Variants in SLC46A1 observed in about 807,000 individuals in gnomAD.
The protein encoded by SLC46A1 is proton-coupled folate transporter.
SLC46A1 carries 17 observed loss-of-function variants against 32.1 expected under a neutral mutation model. That is an observed-to-expected ratio of 0.53 (90% confidence interval 0.36 to 0.79). The LOEUF is 0.79. Ranked by LOEUF, SLC46A1 falls within the 30% of genes least tolerant of loss-of-function variation. SLC46A1 has a pLI of 0.00. For synonymous variants in SLC46A1, 240 were observed against 262.7 expected (o/e 0.91, Z 0.84); for missense variants, 517 against 588.2 (o/e 0.88, Z 1.25).
rs782007129 is a variant in SLC46A1 at position 28,399,689 on chromosome 17, G to A, written c.1347C>T (p.His449=). Residue 449 remains histidine (H), a synonymous_variant, in exon 5 of 5, where the codon CAC becomes CAT. Coordinates refer to ENST00000612814, the MANE Select transcript of SLC46A1 (RefSeq NM_080669.6). Reference sequence around the variant, plus strand: ...TCTGGGGAAACTGCTGGAACTCGAGGTGAGGATCAGCCTTTTCCAGCATCC... The same window carrying A: ...TCTGGGGAAACTGCTGGAACTCGAGATGAGGATCAGCCTTTTCCAGCATCC... ...LIGMLEKADP[H]LEFQQFPQSP is the part of the protein sequence containing the mutation. 1 of 1,614,004 alleles carries A rather than the reference G, an allele frequency of 6.2e-7. No homozygotes were observed. The highest frequency in any genetic ancestry group is 8.5e-7 in the Non-Finnish European group (1 of 1,179,890).
At chr17:28,402,174 C>A in intron 3 of SLC46A1, 64 bp downstream of exon 3, 1 of 1,409,428 alleles carries the variant, frequency 7.1e-7, no homozygotes, top group South Asian at 1.3e-5. Context: ...CATGGCTGCC[C>A]ATCAGCCCGT....
At chr17:28,402,183 G>T in intron 3 of SLC46A1, 55 bp downstream of exon 3, 1 of 1,499,162 alleles carries the variant, frequency 6.7e-7, no homozygotes, top group Non-Finnish European at 9.1e-7. Context: ...CCATCAGCCC[G>T]TTTCGGGCAG....
chr17:28,399,935 C>T (rs2068176127), intron 4 of SLC46A1: 2 of 537,836 alleles, frequency 3.7e-6, no homozygotes, highest in Non-Finnish European at 6.7e-6. Context: ...GCTCTGTTGT[C>T]CAGGCTGGAG....
Position 28,399,360 on chromosome 17 carries a change from T to G in SLC46A1, c.*296A>C. 5.1e-6 allele frequency: 2 copies of G among 395,142 alleles called. No homozygotes were observed. The highest frequency in any genetic ancestry group is 4.7e-6 in the Non-Finnish European group (1 of 212,654). 24.5% of individuals were successfully genotyped at this position (395,142 alleles called of 1,614,324 possible). ...CTCTCAGGACCTCTCCTCTGGCCTG[T>G]GGGGTTATAAGTGATGGATAGCAGA... On this transcript the variant is annotated 3_prime_UTR_variant, in exon 5 of 5. Transcript: ENST00000612814.
chr17:28,406,416 A>G, upstream of SLC46A1: 1 of 361,418 alleles, frequency 2.8e-6, no homozygotes, highest in Non-Finnish European at 4.9e-6. The surrounding 1 kb of genome is among the most constrained non-coding windows in gnomAD (Gnocchi z 4.5). Flanking sequence ...CACACCACAG[A>G]TAACAAGAAT....
In SLC46A1 at chr17:28,405,333, GC is replaced by G. The variant is rs782069236; in HGVS notation, c.363del (p.Leu122TrpfsTer8). 1 of 1,590,578 alleles carries G rather than the reference GC, an allele frequency of 6.3e-7. No individual in the cohort carries two copies. The highest frequency in any genetic ancestry group is 1.1e-5 in the South Asian group (1 of 87,464). On this transcript the variant is annotated frameshift_variant, in exon 2 of 5. Transcript: ENST00000612814. LOFTEE classifies it high-confidence loss of function. ...ACTAGGGCCTGGAGCAGCAGGCCCAGCGAGGCCAGCACTAGCAGCGGGCGGC... is the reference window on the plus strand; with the variant it reads ...ACTAGGGCCTGGAGCAGCAGGCCCAGGAGGCCAGCACTAGCAGCGGGCGGC... ...VGRRPLLVLA[S>X]LGLLLQALVS...
chr17:28,400,502 A>G, intron 4 of SLC46A1, 108 bp downstream of exon 4: 2 of 1,433,936 alleles, frequency 1.4e-6, no homozygotes, highest in Non-Finnish European at 1.9e-6. Flanking sequence ...AGACACCCAG[A>G]GGGTAAGGAT....
At position 28,394,649 on chromosome 17, in the gene SLC46A1, C is replaced by G. The variant is rs1248008178; in HGVS notation, c.*5007G>C. On this transcript the variant is annotated 3_prime_UTR_variant, in exon 5 of 5. Transcript: ENST00000612814. ...TCACAGAACTCAGGAAAGCACTTTA[C>G]TTACTATTAGTTGTTTATTATGTCA... 6 of 152,218 alleles carry G rather than the reference C, an allele frequency of 3.9e-5. No individual in the cohort carries two copies. Among genetic ancestry groups the G allele is most frequent in the Non-Finnish European group, 8.8e-5 (6 of 68,038 alleles). The allele number at this position is 152,218 out of a possible 1,614,324, so 9.4% of individuals were successfully genotyped here.
rs2068125761 is a variant in SLC46A1 at position 28,396,494 on chromosome 17, A to G, written c.*3162T>C. The G allele has an allele frequency of 6.5e-6, 4 of 616,248 alleles. No individual in the cohort carries two copies. The East Asian group carries it at 1.1e-4, about 18-fold the overall frequency. The allele number at this position is 616,248 out of a possible 1,614,324, so 38.2% of individuals were successfully genotyped here. On this transcript the variant is annotated 3_prime_UTR_variant, in exon 5 of 5. Coordinates refer to ENST00000612814, the MANE Select transcript of SLC46A1 (RefSeq NM_080669.6). ...GAGGGAAGGGAAGTCAGGCTTGGGC[A>G]CGGGAGGTTAGAACTCCCCCAGGCC...
At position 28,405,474 on chromosome 17, in the gene SLC46A1, G is replaced by A; in HGVS notation, c.229-6C>T. The A allele has an allele frequency of 6.3e-7, 1 of 1,596,616 alleles. No individual in the cohort carries two copies. The highest frequency in any genetic ancestry group is 8.5e-7 in the Non-Finnish European group (1 of 1,173,216). On this transcript the variant is annotated splice_polypyrimidine_tract_variant and splice_region_variant and intron_variant, in intron 1 of 4. Transcript: ENST00000612814. ...GAGGTAAGGGTCTCCACTTCCTGTA[G>A]GGGCACAATGACCAGGGTGCGGTTC...
intron 2 of SLC46A1, chr17:28,402,731 TC>T (rs771221934): frequency 2.7e-4 from 45 of 166,326 alleles, no homozygotes; most frequent in Admixed American, 6.5e-4. Context: ...TGATCCTGAC[TC>T]CCTGTATGAG....
chr17:28,397,616 G>A lies in SLC46A1; in HGVS notation c.*2040C>T, dbSNP rs1452465080. The A allele has an allele frequency of 6.6e-6, 1 of 152,240 alleles. No individual in the cohort carries two copies. The highest frequency in any genetic ancestry group is 1.5e-5 in the Non-Finnish European group (1 of 68,052). 9.4% of individuals were successfully genotyped at this position (152,240 alleles called of 1,614,324 possible). A position where few individuals can be genotyped will look rare whatever the true frequency, so the allele number is the denominator to read the frequency against. On this transcript the variant is annotated 3_prime_UTR_variant, in exon 5 of 5. Coordinates refer to ENST00000612814, the MANE Select transcript of SLC46A1 (RefSeq NM_080669.6). ...ACTGGCAGTGGAATTGCTTTCCTGA[G>A]AATCATTCTGAGGCTGGGCTATTGC...
Position 28,396,055 on chromosome 17 carries a change from G to A in SLC46A1, c.*3601C>T, listed in dbSNP as rs369610556. ...AGCCCCAGGGCCCTGGGACCAGGGG[G>A]GTAGGGTACAAATCACCATGACAGG... On this transcript the variant is annotated 3_prime_UTR_variant, in exon 5 of 5. Coordinates refer to ENST00000612814, the MANE Select transcript of SLC46A1 (RefSeq NM_080669.6). 2.7e-5 allele frequency: 43 copies of A among 1,613,478 alleles called. 1 individual carries two copies. Among genetic ancestry groups the A allele is most frequent in the Non-Finnish European group, 3.5e-5 (41 of 1,179,700 alleles).
chr17:28,404,119 GAGA>G (rs1555590222), intron 2 of SLC46A1: 2 of 158,558 alleles, frequency 1.3e-5, no homozygotes, highest in East Asian at 1.8e-4. Flanking sequence ...GGAGGGAAAG[GAGA>G]AGGAGAAAGA....
At chr17:28,400,925 C>A in intron 3 of SLC46A1, 159 bp from the exon 4 acceptor site, 1 of 705,994 alleles carries the variant, frequency 1.4e-6, no homozygotes, top group Admixed American at 2.1e-5. Context: ...GACAAGGATT[C>A]AGTAAGGTCA....
Position 28,400,213 on chromosome 17 carries a change from T to C in SLC46A1, c.1322+397A>G, listed in dbSNP as rs2068179002. 1.9e-5 allele frequency: 5 copies of C among 256,964 alleles called. No homozygotes were observed. In the South Asian group the frequency reaches 2.1e-4, roughly 11 times the overall value. The allele number at this position is 256,964 out of a possible 1,614,324, so 15.9% of individuals were successfully genotyped here. A position where few individuals can be genotyped will look rare whatever the true frequency, so the allele number is the denominator to read the frequency against. On this transcript the variant is annotated intron_variant, in intron 4 of 4. Transcript: ENST00000612814. Reference sequence around the variant, plus strand: ...CCCGGCCATGAAATATAATTCTTAATATCATACAGGAAAAAGTCAGCGGGT... The same window carrying C: ...CCCGGCCATGAAATATAATTCTTAACATCATACAGGAAAAAGTCAGCGGGT...
At position 28,406,106 on chromosome 17, in the gene SLC46A1, C is replaced by T. The variant is rs782550981; in HGVS notation, c.9G>A (p.Gly3=). 1 of 1,549,964 alleles carries T rather than the reference C, an allele frequency of 6.5e-7. No individual in the cohort carries two copies. The highest frequency in any genetic ancestry group is 1.9e-5 in the Admixed American group (1 of 51,570). The change falls in exon 1 of 5, where the codon GGG becomes GGA. Residue 3 remains glycine (G), a synonymous_variant. Transcript: ENST00000612814. This position sits in a 1 kb window ranked among gnomAD's most constrained non-coding sequence, Gnocchi z 4.5. ...GGGGCTTTTCCGGGGGGCTCGCGCT[C>T]CCCTCCATGTGCGTGCGCGGCGGAG... ME[G]SASPPEKPRA... is the part of the protein sequence containing the mutation.
At position 28,396,637 on chromosome 17, in the gene SLC46A1, A is replaced by C; in HGVS notation, c.*3019T>G. The C allele has an allele frequency of 3.9e-6, 1 of 259,454 alleles. No homozygotes were observed. Among genetic ancestry groups the C allele is most frequent in the Non-Finnish European group, 7.4e-6 (1 of 134,628 alleles). The allele number at this position is 259,454 out of a possible 1,614,324, so 16.1% of individuals were successfully genotyped here. A position where few individuals can be genotyped will look rare whatever the true frequency, so the allele number is the denominator to read the frequency against. ...TCTCCTGCTGATAGCAGTCAGCTTG[A>C]GGAGGATGACGGAAGGCAGCCTCAG... On this transcript the variant is annotated 3_prime_UTR_variant, in exon 5 of 5. Transcript: ENST00000612814.
intron 3 of SLC46A1, chr17:28,401,071 G>A (rs1435944745): frequency 2.6e-6 from 1 of 387,416 alleles, no homozygotes; most frequent in Non-Finnish European, 4.9e-6. Flanking sequence ...TCTGATGAAA[G>A]CTTGATGGAA....
Sources: gnomAD v4.1 joint callset for allele counts on GRCh38, gnomAD v4.1.1 for gene constraint, Gnocchi (gnomAD v3.1) non-coding constraint, MANE v1.5 for transcripts, NCBI Gene and HGNC (gene_info 2026-07-23, HGNC 2026-07-21) for gene names.